Variants in PNPT1 observed in about 807,000 individuals in gnomAD.
The protein encoded by PNPT1 is polyribonucleotide nucleotidyltransferase 1, mitochondrial.
Under a neutral mutation model 119.5 loss-of-function variants are expected in PNPT1, and 53 were observed. That is an observed-to-expected ratio of 0.44 (90% CI 0.36 to 0.56). The LOEUF (loss-of-function observed/expected upper bound fraction) is 0.56, where lower values mean the gene tolerates loss of function less well. Ranked by LOEUF, PNPT1 falls within the 20% of genes least tolerant of loss-of-function variation. The pLI is 0.00. For synonymous variants in PNPT1, 357 were observed against 322.1 expected (o/e 1.11, Z -1.16); for missense variants, 948 against 938.5 (o/e 1.01, Z -0.13).
chr2:55,661,963 C>A lies in PNPT1; in HGVS notation c.1240G>T (p.Ala414Ser). Residue 414 changes from alanine (A) to serine (S), a missense_variant, in exon 14 of 28, where the codon GCT (alanine) becomes TCT (serine). Physicochemically the swap from Ala to Ser is moderately conservative, Grantham distance 99. Coordinates refer to ENST00000447944, the MANE Select transcript of PNPT1 (RefSeq NM_033109.5). ...CTTAAAAACATAACTTACTTTATAG[C>A]TGTTATAACTTGATCTGACTTAATA... ...SGIKSDQVIT[A>S]INGIKDKNFM... The A allele has an allele frequency of 6.4e-7, 1 of 1,564,778 alleles. No individual in the cohort carries two copies. The highest frequency in any genetic ancestry group is 8.6e-7 in the Non-Finnish European group (1 of 1,162,946).
intron 8 of PNPT1, among the ~76,000 whole-genome samples, chr2:55,677,971 G>A (rs536369012): frequency 3.3e-5 from 5 of 152,224 alleles, no homozygotes; most frequent in African/African-American, 2.4e-5. Flanking sequence ...TCGATCTCCT[G>A]ACCTCGTGAT....
rs781600050 is a variant in PNPT1 at position 55,679,745 on chromosome 2, T to C, written c.616A>G (p.Arg206Gly). The C allele has an allele frequency of 1.9e-6, 3 of 1,612,604 alleles. No homozygotes were observed. The South Asian group carries it at 3.3e-5, about 18-fold the overall frequency. The part of the protein sequence containing the change: ...IDGEYVVNPT[R>G]KEMSSSTLNL... ...AAAGTACTAGAAGACATTTCTTTTC[T>C]TGTTGGGTTAACAACATATTCTCCA... The change falls in exon 8 of 28, where the codon AGA becomes GGA. Residue 206 changes from arginine to glycine, a missense_variant. Transcript: ENST00000447944.
At chr2:55,679,013 C>G (rs886189253) in intron 8 of PNPT1, among the ~76,000 whole-genome samples, 14 of 152,124 alleles carry the variant, frequency 9.2e-5, no homozygotes. Context: ...ACAATAAAAG[C>G]CCTTAAATAA....
intron 26 of PNPT1, 39 bp from the exon 27 acceptor site, chr2:55,637,638 A>T: frequency 2.0e-6 from 3 of 1,478,364 alleles, no homozygotes; most frequent in Non-Finnish European, 2.8e-6. Context: ...TGTTGTGCAT[A>T]ATTATGTAGT....
At position 55,662,005 on chromosome 2, in the gene PNPT1, C is replaced by G; in HGVS notation, c.1198G>C (p.Asp400His). ...QTQVLCTVTFDSLESGIKSDQ... is the reference protein window; with the variant it reads ...QTQVLCTVTFHSLESGIKSDQ... ...GACTTAATACCAGATTCTAATGAAT[C>G]AAATGTAACGGTACAAAGCACCTAA... Residue 400 changes from aspartate to histidine, a missense_variant, in exon 14 of 28, where the codon GAT becomes CAT. Physicochemically the swap from Asp to His is moderately conservative, Grantham distance 81. Transcript: ENST00000447944. 1 of 1,576,960 alleles carries G rather than the reference C, an allele frequency of 6.3e-7. No individual in the cohort carries two copies. The highest frequency in any genetic ancestry group is 8.6e-7 in the Non-Finnish European group (1 of 1,167,802).
rs569059487 is a variant in PNPT1, at chr2:55,659,113, C to G, written c.1284+1044G>C. ...GGGACTATAGGCACATGCCACCATG[C>G]TTGGCTAATTTTTAGATCTTCTTGT... On this transcript the variant is annotated intron_variant, in intron 15 of 27. Coordinates refer to ENST00000447944, the MANE Select transcript of PNPT1 (RefSeq NM_033109.5). 3.0e-4 allele frequency among the ~76,000 whole-genome samples: 46 copies of G among 152,234 alleles called. No homozygotes were observed. The South Asian group carries it at 8.1e-3, about 27-fold the overall frequency.
chr2:55,650,626 G>A (rs1196548337), intron 18 of PNPT1, among the ~76,000 whole-genome samples: 1 of 147,350 alleles, frequency 6.8e-6, no homozygotes, highest in African/African-American at 2.5e-5. Context: ...AGTGAGGAGC[G>A]TCTCTGCCCG....
chr2:55,693,343 G>C (rs369258194), intron 1 of PNPT1, among the ~76,000 whole-genome samples: 1 of 152,096 alleles, frequency 6.6e-6, no homozygotes, highest in Non-Finnish European at 1.5e-5. Context: ...ACGTCAACTC[G>C]TTATTCCTAG....
intron 8 of PNPT1, among the ~76,000 whole-genome samples, chr2:55,678,175 T>A (rs1697142439): frequency 6.6e-6 from 1 of 152,192 alleles, no homozygotes; most frequent in Non-Finnish European, 1.5e-5. Flanking sequence ...TAACAGCGAA[T>A]AAACAAACGC....
At chr2:55,680,370 C>T (rs957773249) in intron 7 of PNPT1, among the ~76,000 whole-genome samples, 4 of 150,750 alleles carry the variant, frequency 2.7e-5, no homozygotes, top group Non-Finnish European at 4.4e-5. Flanking sequence ...TTATAACAGC[C>T]GTAAGTTACA....
chr2:55,653,896 CT>C (rs1696293462), intron 18 of PNPT1, among the ~76,000 whole-genome samples: 1 of 152,056 alleles, frequency 6.6e-6, no homozygotes, highest in Non-Finnish European at 1.5e-5. Context: ...TCTTTAGTGT[CT>C]TTAGGTTCCT....
chr2:55,665,435 G>A (rs1351162215), intron 13 of PNPT1, among the ~76,000 whole-genome samples: 1 of 151,956 alleles, frequency 6.6e-6, no homozygotes, highest in Non-Finnish European at 1.5e-5. Flanking sequence ...AAAGTTAAAA[G>A]GCAATAAATA....
At position 55,660,105 on chromosome 2, in the gene PNPT1, C is replaced by G. The variant is rs1044664631; in HGVS notation, c.1284+52G>C. 7 of 1,498,024 alleles carry G rather than the reference C, an allele frequency of 4.7e-6. No individual in the cohort carries two copies. In the Admixed American group the frequency reaches 1.1e-4, roughly 23 times the overall value. 92.8% of individuals were successfully genotyped at this position (1,498,024 alleles called of 1,614,324 possible). ...GACAACAGGGTGAGACCTCGTCTCA[C>G]AAAAATTTATTAATTTATTAATAAA... On this transcript the variant is annotated intron_variant, in intron 15 of 27. Coordinates refer to ENST00000447944, the MANE Select transcript of PNPT1 (RefSeq NM_033109.5).
chr2:55,668,869 G>A (rs1330787437), intron 11 of PNPT1, among the ~76,000 whole-genome samples: 2 of 152,150 alleles, frequency 1.3e-5, no homozygotes, highest in Non-Finnish European at 2.9e-5. Context: ...CAAAGTGCTG[G>A]GATTACAGGC....
At chr2:55,669,405 A>G (rs1403532124) in intron 11 of PNPT1, among the ~76,000 whole-genome samples, 2 of 152,248 alleles carry the variant, frequency 1.3e-5, no homozygotes, top group African/African-American at 4.8e-5. Flanking sequence ...TTTATTAAAC[A>G]TAACTTCAAA....
At chr2:55,691,769 C>G (rs1007635393) in intron 1 of PNPT1, among the ~76,000 whole-genome samples, 1 of 149,018 alleles carries the variant, frequency 6.7e-6, no homozygotes, top group East Asian at 2.0e-4. Context: ...GTGGAATAAG[C>G]CTTAGAGATA....
chr2:55,682,074 C>T (rs1268622078), intron 5 of PNPT1, among the ~76,000 whole-genome samples: 6 of 151,894 alleles, frequency 4.0e-5, no homozygotes, highest in South Asian at 2.1e-4. Context: ...ACCTGGGAGG[C>T]GGAGCTTGCA....
chr2:55,655,745 T>C (rs940445980), intron 17 of PNPT1, among the ~76,000 whole-genome samples: 6 of 152,340 alleles, frequency 3.9e-5, no homozygotes, highest in Non-Finnish European at 8.8e-5. Context: ...AAATGTGACC[T>C]CTTGGCCTAG....
At chr2:55,677,760 GAC>G (rs372590675) in intron 8 of PNPT1, among the ~76,000 whole-genome samples, 4 of 152,006 alleles carry the variant, frequency 2.6e-5, no homozygotes, top group African/African-American at 9.6e-5. Flanking sequence ...TGTTTTTTGA[GAC>G]AGAGTCTCGC....
Sources: allele counts gnomAD v4.1 joint callset (sites outside exome capture counted in the v4.1 genomes callset), GRCh38; gene constraint gnomAD v4.1.1; transcripts MANE v1.5; gene names NCBI Gene and HGNC (gene_info 2026-07-23, HGNC 2026-07-21).